The following CYYR1 variants were observed in gnomAD, a reference collection of about 807,000 sequenced individuals.
CYYR1 encodes cysteine and tyrosine rich 1.
CYYR1 carries 14 observed loss-of-function variants against 15.2 expected under a neutral mutation model. The ratio of observed to expected loss-of-function variants is 0.92; its 90% CI spans 0.61 to 1.44. The LOEUF is 1.44. Ranked by LOEUF, CYYR1 falls within the 40% of genes most tolerant of loss-of-function variation. CYYR1 has a pLI of 0.00. For synonymous variants in CYYR1, 80 were observed against 77.4 expected (o/e 1.03, Z -0.18); for missense variants, 228 against 209.5 (o/e 1.09, Z -0.54).
chr21:26,495,896 C>T (rs2065395047), intron 2 of CYYR1, among the ~76,000 whole-genome samples: 2 of 152,060 alleles, frequency 1.3e-5, no homozygotes, highest in South Asian at 2.1e-4. Flanking sequence ...CTGGAAATAC[C>T]ACGTTAGTAG....
At position 26,499,921 on chromosome 21, in the gene CYYR1, A is replaced by G. The variant is rs375742856; in HGVS notation, c.177-19492T>C. 1.5e-4 allele frequency among the ~76,000 whole-genome samples: 22 copies of G among 151,642 alleles called. No homozygotes were observed. In the South Asian group the frequency reaches 4.6e-3, roughly 32 times the overall value. ...GCTTGATTGGGGAAATTTATACCCTACCCAAAATAGGGCAATGTCTTAGTT... is the reference window on the plus strand; with the variant it reads ...GCTTGATTGGGGAAATTTATACCCTGCCCAAAATAGGGCAATGTCTTAGTT... On this transcript the variant is annotated intron_variant, in intron 2 of 3. Coordinates refer to ENST00000652641, the MANE Select transcript of CYYR1 (RefSeq NM_001320768.2).
At chr21:26,485,952 T>C (rs2065242695) in intron 2 of CYYR1, among the ~76,000 whole-genome samples, 1 of 152,130 alleles carries the variant, frequency 6.6e-6, no homozygotes, top group African/African-American at 2.4e-5. Context: ...AGTTTTATAA[T>C]CTGTTTTTTA....
intron 2 of CYYR1, chr21:26,506,783 G>C (rs2065572313): frequency 6.6e-6 from 1 of 152,116 alleles, no homozygotes; most frequent in African/African-American, 2.4e-5. Context: ...GCCAATCTAG[G>C]TGGGTGCCCA....
Position 26,507,151 on chromosome 21 carries a change from A to G in CYYR1, c.177-26722T>C, listed in dbSNP as rs533279172. Among the ~76,000 whole-genome samples, 9 of 152,308 alleles carry G rather than the reference A, an allele frequency of 5.9e-5. No individual in the cohort carries two copies. The East Asian group carries it at 1.7e-3, about 29-fold the overall frequency. The stretch of plus-strand genomic sequence containing the variant: ...CACTCAATTTTGACACATGAGACAT[A>G]TGTCTCAGCTCCTTACAGTACCAAT... On this transcript the variant is annotated intron_variant, in intron 2 of 3. Coordinates refer to ENST00000652641, the MANE Select transcript of CYYR1 (RefSeq NM_001320768.2).
chr21:26,564,544 T>C (rs999331122), intron 2 of CYYR1: 32 of 419,044 alleles, frequency 7.6e-5, no homozygotes, highest in African/African-American at 6.7e-4. Flanking sequence ...ATATAGAACA[T>C]GTACCATAAA....
chr21:26,528,508 C>A (rs2065892396), intron 2 of CYYR1, among the ~76,000 whole-genome samples: 1 of 152,158 alleles, frequency 6.6e-6, no homozygotes, highest in Admixed American at 6.5e-5. Context: ...GATGTGCCTG[C>A]TCCTCAATTG....
chr21:26,572,290 T>C (rs1249399989), intron 1 of CYYR1, among the ~76,000 whole-genome samples: 3 of 152,204 alleles, frequency 2.0e-5, no homozygotes, highest in Non-Finnish European at 1.5e-5. Flanking sequence ...CAGTTCTTAC[T>C]ACGAATAATT....
intron 3 of CYYR1, chr21:26,477,573 A>C: frequency 5.3e-6 from 2 of 376,422 alleles, no homozygotes; most frequent in Non-Finnish European, 7.3e-6. Context: ...TTACATTACT[A>C]TCGTGACATT....
chr21:26,563,405 C>G lies in CYYR1; in HGVS notation c.176+2861G>C, dbSNP rs751189372. The stretch of plus-strand genomic sequence containing the variant: ...TGGACAACATGGTGAAAACCACTCT[C>G]TACTAAAAATACAAAAATTAGCCAA... On this transcript the variant is annotated intron_variant, in intron 2 of 3. Coordinates refer to ENST00000652641, the MANE Select transcript of CYYR1 (RefSeq NM_001320768.2). Among the ~76,000 whole-genome samples the G allele has an allele frequency of 1.7e-4, 26 of 152,146 alleles. 1 individual carries two copies. The highest frequency in any genetic ancestry group is 3.1e-4 in the Non-Finnish European group (21 of 67,992).
intron 3 of CYYR1, among the ~76,000 whole-genome samples, chr21:26,479,417 A>G (rs182476330): frequency 2.0e-5 from 3 of 152,134 alleles, no homozygotes; most frequent in African/African-American, 7.2e-5. Context: ...AGAGAAAGAA[A>G]AGACATGAGT....
intron 3 of CYYR1, among the ~76,000 whole-genome samples, chr21:26,474,803 C>A (rs2065082308): frequency 6.6e-6 from 1 of 152,094 alleles, no homozygotes; most frequent in East Asian, 1.9e-4. Context: ...ATACTCATTC[C>A]ACTGCATCTT....
chr21:26,548,243 G>T (rs1979122046), intron 2 of CYYR1, among the ~76,000 whole-genome samples: 1 of 152,196 alleles, frequency 6.6e-6, no homozygotes, highest in Non-Finnish European at 1.5e-5. Context: ...TAAGTGTGAA[G>T]AAATTAGTTT....
At chr21:26,478,151 G>A in intron 3 of CYYR1, 1 of 1,548,816 alleles carries the variant, frequency 6.5e-7, no homozygotes, top group Non-Finnish European at 8.7e-7. Flanking sequence ...AAGAGGAAAT[G>A]AACAATAAAC....
At chr21:26,565,968 A>G (rs770512839) in intron 2 of CYYR1, among the ~76,000 whole-genome samples, 1 of 152,262 alleles carries the variant, frequency 6.6e-6, no homozygotes, top group African/African-American at 2.4e-5. Context: ...AAAATTATCA[A>G]TAAAATGATG....
intron 2 of CYYR1, chr21:26,550,973 A>G (rs1979343364): frequency 6.6e-6 from 1 of 152,652 alleles, no homozygotes; most frequent in African/African-American, 2.4e-5. Flanking sequence ...ACTGGCTTCA[A>G]AGCTTCAAAG....
intron 2 of CYYR1, among the ~76,000 whole-genome samples, chr21:26,515,915 C>T (rs976052299): frequency 1.3e-5 from 2 of 152,206 alleles, no homozygotes; most frequent in Non-Finnish European, 2.9e-5. Flanking sequence ...GCCCTCCCCA[C>T]CTTTTTTGAC....
At chr21:26,500,416 T>C (rs927475403) in intron 2 of CYYR1, among the ~76,000 whole-genome samples, 3 of 151,920 alleles carry the variant, frequency 2.0e-5, no homozygotes, top group Admixed American at 6.6e-5. Context: ...TGGGCCACAA[T>C]AGGAGAGTCT....
chr21:26,547,522 C>T (rs1979055994), intron 2 of CYYR1, among the ~76,000 whole-genome samples: 1 of 152,168 alleles, frequency 6.6e-6, no homozygotes, highest in Non-Finnish European at 1.5e-5. Flanking sequence ...TAAGATCATC[C>T]ACACTTCCCC....
chr21:26,524,623 C>T (rs2065841769), intron 2 of CYYR1, among the ~76,000 whole-genome samples: 1 of 88,096 alleles, frequency 1.1e-5, no homozygotes, highest in South Asian at 4.2e-4. Flanking sequence ...TGGAAGCCAA[C>T]CACTTAGTAA....
Sources: allele counts gnomAD v4.1 joint callset (sites outside exome capture counted in the v4.1 genomes callset), GRCh38; gene constraint gnomAD v4.1.1; transcripts MANE v1.5; gene names NCBI Gene and HGNC (gene_info 2026-07-23, HGNC 2026-07-21).